CDK14: variants seen among roughly 807,000 people sequenced by gnomAD.
CDK14 encodes the protein cyclin dependent kinase 14.
CDK14 carries 34 observed loss-of-function variants against 60.7 expected under a neutral mutation model. The observed-to-expected ratio is 0.56, with a 90% confidence interval of 0.43 to 0.75. The LOEUF is 0.75. Among genes scored for constraint, CDK14 ranks in the 30% least tolerant of loss-of-function variants. The pLI is 0.00. For missense variants in CDK14, 482 were observed against 564.1 expected (o/e 0.85, Z 1.47); for synonymous variants, 197 against 203.7 (o/e 0.97, Z 0.28).
At chr7:91,077,477 A>G (rs563394061) in intron 11 of CDK14, among the ~76,000 whole-genome samples, 1 of 152,066 alleles carries the variant, frequency 6.6e-6, no homozygotes, top group African/African-American at 2.4e-5. Flanking sequence ...AATATCACAC[A>G]CAGGGGCCTG....
intron 2 of CDK14, among the ~76,000 whole-genome samples, chr7:90,687,206 A>G (rs79943930): frequency 0.064 from 9,792 of 152,192 alleles, 709 homozygotes; most frequent in East Asian, 0.39. Context: ...TGTAAACATG[A>G]GAAGTAGGGA....
intron 4 of CDK14, among the ~76,000 whole-genome samples, chr7:90,765,254 A>AT (rs201867747): frequency 4.9e-4 from 74 of 150,674 alleles, no homozygotes; most frequent in East Asian, 1.7e-3. Flanking sequence ...AAAAAAAGTT[A>AT]TTTTTTTTTT....
intron 13 of CDK14, among the ~76,000 whole-genome samples, chr7:91,116,899 G>A (rs1411953141): frequency 6.6e-6 from 1 of 151,582 alleles, no homozygotes; most frequent in Non-Finnish European, 1.5e-5. Context: ...ACATTAGAGT[G>A]TCCTGGGGCT....
intron 14 of CDK14, among the ~76,000 whole-genome samples, chr7:91,137,690 G>GA (rs766602188): frequency 1.0e-4 from 3 of 29,248 alleles, no homozygotes; most frequent in Non-Finnish European, 1.6e-4. Context: ...AAGACTTGTG[G>GA]GGGGTGTGTG....
At chr7:90,724,317 T>C (rs866529945) in intron 2 of CDK14, among the ~76,000 whole-genome samples, 10 of 151,844 alleles carry the variant, frequency 6.6e-5, no homozygotes, top group South Asian at 2.1e-4. Flanking sequence ...TACTTTTTTT[T>C]CCCCTTATCT....
chr7:91,027,659 CTGT>C (rs1269101463), intron 10 of CDK14, among the ~76,000 whole-genome samples: 2 of 151,454 alleles, frequency 1.3e-5, no homozygotes, highest in Non-Finnish European at 2.9e-5. Flanking sequence ...TTTTTTGTTG[CTGT>C]TGTTGTTTTT....
rs189342077 is a variant in CDK14, at chr7:90,719,126, G to T, written c.124-7441G>T. 2.2e-4 allele frequency among the ~76,000 whole-genome samples: 33 copies of T among 152,218 alleles called. 1 individual carries two copies. The highest frequency in any genetic ancestry group is 7.7e-4 in the African/African-American group (32 of 41,548). ...GACAAAGGGAAAAAAACAAATGAAAGAGGTTGTCAAGATTTTTGCTTATTT... is the reference window on the plus strand; with the variant it reads ...GACAAAGGGAAAAAAACAAATGAAATAGGTTGTCAAGATTTTTGCTTATTT... On this transcript the variant is annotated intron_variant, in intron 2 of 14. Coordinates refer to ENST00000380050, the MANE Select transcript of CDK14 (RefSeq NM_001287135.2).
At chr7:90,875,584 G>A (rs573265386) in intron 6 of CDK14, among the ~76,000 whole-genome samples, 2 of 151,838 alleles carry the variant, frequency 1.3e-5, no homozygotes, top group African/African-American at 4.8e-5. Context: ...TTTGTCTTGT[G>A]TTTTCCTGAC....
At chr7:91,081,417 C>A (rs1415354951) in intron 12 of CDK14, among the ~76,000 whole-genome samples, 1 of 152,110 alleles carries the variant, frequency 6.6e-6, no homozygotes, top group Non-Finnish European at 1.5e-5. Context: ...TTCTCTTGTA[C>A]AGTGGTAATA....
intron 5 of CDK14, among the ~76,000 whole-genome samples, chr7:90,821,537 C>T (rs1323710407): frequency 6.6e-6 from 1 of 152,148 alleles, no homozygotes; most frequent in Non-Finnish European, 1.5e-5. Context: ...CAACTCACCC[C>T]ATGAGAGGAG....
In CDK14 at chr7:90,616,242, GA is replaced by G. The variant is rs552651820; in HGVS notation, c.123+11998del. On this transcript the variant is annotated intron_variant, in intron 2 of 14. Transcript: ENST00000380050. ...TAAGTAAGCATTATTTTATAACAGA[GA>G]AAAATGAGTGAGAATAACTTATGGT... Among the ~76,000 whole-genome samples, 6 of 152,224 alleles carry G rather than the reference GA, an allele frequency of 3.9e-5. No individual in the cohort carries two copies. In the South Asian group the frequency reaches 1.2e-3, roughly 32 times the overall value.
intron 9 of CDK14, among the ~76,000 whole-genome samples, chr7:90,961,419 T>C (rs955046396): frequency 7.9e-5 from 12 of 152,192 alleles, no homozygotes; most frequent in African/African-American, 1.2e-4. Flanking sequence ...CTAGTACTTA[T>C]GCTGGCATGT....
At chr7:90,937,458 C>T (rs746902770) in intron 8 of CDK14, among the ~76,000 whole-genome samples, 4 of 152,162 alleles carry the variant, frequency 2.6e-5, no homozygotes, top group African/African-American at 4.8e-5. Context: ...TTCATCATCT[C>T]AGAAAGTATC....
intron 5 of CDK14, among the ~76,000 whole-genome samples, chr7:90,813,029 A>G (rs186836109): frequency 4.8e-4 from 73 of 152,364 alleles, no homozygotes; most frequent in Admixed American, 8.5e-4. Context: ...ATGTCCATCA[A>G]CTGTTGAGTT....
At chr7:90,769,231 G>T (rs1384198687) in intron 4 of CDK14, among the ~76,000 whole-genome samples, 1 of 152,142 alleles carries the variant, frequency 6.6e-6, no homozygotes, top group African/African-American at 2.4e-5. Flanking sequence ...ATCTGTTTCA[G>T]TTGGAGAAGA....
intron 2 of CDK14, among the ~76,000 whole-genome samples, chr7:90,643,190 A>G (rs1800380929): frequency 6.6e-6 from 1 of 152,224 alleles, no homozygotes; most frequent in Non-Finnish European, 1.5e-5. Context: ...TTCCTGGTGC[A>G]ATTACACACA....
At chr7:90,814,797 T>C (rs780850633) in intron 5 of CDK14, among the ~76,000 whole-genome samples, 4 of 152,074 alleles carry the variant, frequency 2.6e-5, no homozygotes, top group Non-Finnish European at 5.9e-5. Flanking sequence ...ACAAAACTTA[T>C]TGAGTAACTT....
chr7:91,170,668 T>C (rs1211141739), intron 14 of CDK14, among the ~76,000 whole-genome samples: 2 of 152,018 alleles, frequency 1.3e-5, no homozygotes, highest in Non-Finnish European at 2.9e-5. Context: ...CAATGAAGAA[T>C]ACCAAATAAA....
intron 11 of CDK14, among the ~76,000 whole-genome samples, chr7:91,074,154 A>G (rs1798230737): frequency 6.6e-6 from 1 of 152,222 alleles, no homozygotes; most frequent in Non-Finnish European, 1.5e-5. Context: ...TGGACCTAAT[A>G]GACAGCTACA....
Sources: gnomAD v4.1 joint callset for allele counts (sites outside exome capture counted in the v4.1 genomes callset) on GRCh38, gnomAD v4.1.1 for gene constraint, MANE v1.5 for transcripts, NCBI Gene and HGNC (gene_info 2026-07-23, HGNC 2026-07-21) for gene names.